Variants in MTMR3 observed in about 807,000 individuals in gnomAD.
MTMR3 encodes the protein phosphatidylinositol-3,5-bisphosphate 3-phosphatase MTMR3.
MTMR3 carries 32 observed loss-of-function variants against 132.4 expected under a neutral mutation model. The observed-to-expected ratio is 0.24, with a 90% confidence interval of 0.18 to 0.32. The LOEUF (loss-of-function observed/expected upper bound fraction) is 0.32, where lower values mean the gene tolerates loss of function less well. Ranked by LOEUF, MTMR3 falls within the 10% of genes least tolerant of loss-of-function variation. The pLI is 1.00. For missense variants in MTMR3, 1,216 were observed against 1,489.6 expected (o/e 0.82, Z 3.02); for synonymous variants, 556 against 550.3 (o/e 1.01, Z -0.14).
At chr22:29,960,150 T>G (rs1223542604) in intron 2 of MTMR3, among the ~76,000 whole-genome samples, 2 of 152,106 alleles carry the variant, frequency 1.3e-5, no homozygotes, top group Non-Finnish European at 1.5e-5. Context: ...AACATACTGT[T>G]TAATTAATAT....
intron 1 of MTMR3, among the ~76,000 whole-genome samples, chr22:29,937,197 A>G (rs1376188314): frequency 6.6e-6 from 1 of 152,058 alleles, no homozygotes; most frequent in Non-Finnish European, 1.5e-5. Context: ...GATGCTTATC[A>G]TTAGGGCTGA....
chr22:30,022,562 T>C, intron 18 of MTMR3, 47 bp from the exon 19 acceptor site: 1 of 1,536,800 alleles, frequency 6.5e-7, no homozygotes, highest in Non-Finnish European at 9.0e-7. Flanking sequence ...TGGCTCCAGC[T>C]GGATGGCCCA....
At chr22:29,949,126 CACACACA>C (rs2066010140) in intron 1 of MTMR3, among the ~76,000 whole-genome samples, 1 of 40,136 alleles carries the variant, frequency 2.5e-5, no homozygotes, top group African/African-American at 1.2e-4. Context: ...CACACACACA[CACACACA>C]CACACACACA....
In MTMR3 at chr22:30,022,242, C is replaced by G. The variant is rs1003530436; in HGVS notation, c.3336+103C>G. ...TACCCCTGGCCAAGGAAGCACCTCCCAGCACAGCTAGCCCTGAGCCTCTGG... is the reference window on the plus strand; with the variant it reads ...TACCCCTGGCCAAGGAAGCACCTCCGAGCACAGCTAGCCCTGAGCCTCTGG... On this transcript the variant is annotated intron_variant, in intron 18 of 19. Transcript: ENST00000401950. 3.4e-6 allele frequency: 3 copies of G among 870,272 alleles called. No individual in the cohort carries two copies. The African/African-American group carries it at 4.9e-5, about 14-fold the overall frequency. The allele number at this position is 870,272 out of a possible 1,614,324, so 53.9% of individuals were successfully genotyped here. A position where few individuals can be genotyped will look rare whatever the true frequency, so the allele number is the denominator to read the frequency against.
intron 3 of MTMR3, among the ~76,000 whole-genome samples, chr22:29,973,432 T>C (rs2066573608): frequency 6.6e-6 from 1 of 152,232 alleles, no homozygotes; most frequent in Non-Finnish European, 1.5e-5. Context: ...TCCCAAGCAT[T>C]TTATCAAGGG....
chr22:29,972,061 T>C (rs1412216056), intron 3 of MTMR3, among the ~76,000 whole-genome samples: 1 of 152,252 alleles, frequency 6.6e-6, no homozygotes, highest in Non-Finnish European at 1.5e-5. Context: ...GTAACTGCCC[T>C]TATCTTAAAG....
chr22:29,971,738 C>G (rs998412293), intron 3 of MTMR3, among the ~76,000 whole-genome samples: 1 of 152,040 alleles, frequency 6.6e-6, no homozygotes, highest in African/African-American at 2.4e-5. Context: ...TAATGACTTA[C>G]GGGCCATTTC....
At chr22:29,923,551 C>G (rs2065461038) in intron 1 of MTMR3, among the ~76,000 whole-genome samples, 1 of 152,102 alleles carries the variant, frequency 6.6e-6, no homozygotes, top group Admixed American at 6.5e-5. Context: ...GCCTTTTGTG[C>G]TTCTTTGGAA....
At chr22:29,951,862 G>C (rs2066087145) in intron 1 of MTMR3, among the ~76,000 whole-genome samples, 1 of 150,014 alleles carries the variant, frequency 6.7e-6, no homozygotes, top group Admixed American at 6.6e-5. Context: ...AAGTGTTGCT[G>C]GTTCAAGTGA....
In MTMR3 at chr22:30,013,662, C is replaced by T. The variant is rs551320310; in HGVS notation, c.1503+121C>T. 6.7e-5 allele frequency: 64 copies of T among 950,586 alleles called. No individual in the cohort carries two copies. In the South Asian group the frequency reaches 1.1e-3, roughly 16 times the overall value. The allele number at this position is 950,586 out of a possible 1,614,324, so 58.9% of individuals were successfully genotyped here. On this transcript the variant is annotated intron_variant, in intron 14 of 19. Transcript: ENST00000401950. ...AGAATTTAATAGAGGTGATTTTTTT[C>T]CTGTTTCTGCTTTTTTTTTTAGTAA...
intron 1 of MTMR3, among the ~76,000 whole-genome samples, chr22:29,906,233 TATCCATCC>T (rs1325524556): frequency 1.0e-3 from 153 of 151,084 alleles, no homozygotes; most frequent in African/African-American, 3.6e-3. Context: ...GTCTCACATT[TATCCATCC>T]ATCCGTCTGT....
intron 1 of MTMR3, among the ~76,000 whole-genome samples, chr22:29,941,004 CT>C (rs2065846812): frequency 6.7e-6 from 1 of 150,080 alleles, no homozygotes; most frequent in Non-Finnish European, 1.5e-5. Context: ...ACTGCAGCCA[CT>C]GCCTCAATCA....
intron 5 of MTMR3, chr22:29,982,937 T>TTTTTTTTTTTTGTGTGTGTG (rs752531735): frequency 1.4e-5 from 2 of 146,280 alleles, no homozygotes; most frequent in African/African-American, 5.1e-5. Flanking sequence ...AAAAGTTTGT[T>TTTTTTTTTTTTGTGTGTGTG]TGTGTGTGTG....
At position 30,026,160 on chromosome 22, in the gene MTMR3, G is replaced by A. The variant is rs1421877089; in HGVS notation, c.*359G>A. 4.2e-6 allele frequency: 1 copy of A among 240,182 alleles called. No individual in the cohort carries two copies. Among genetic ancestry groups the A allele is most frequent in the East Asian group, 9.1e-5 (1 of 10,986 alleles). 14.9% of individuals were successfully genotyped at this position (240,182 alleles called of 1,614,324 possible). ...GCTTGTTTCTTCCGGGTGGGAGGAT[G>A]GTGGTCAGAGCCAGGAGTATGGAGA... On this transcript the variant is annotated 3_prime_UTR_variant, in exon 20 of 20. Transcript: ENST00000401950.
At chr22:29,906,610 A>G (rs1450869651) in intron 1 of MTMR3, among the ~76,000 whole-genome samples, 2 of 151,776 alleles carry the variant, frequency 1.3e-5, no homozygotes, top group South Asian at 2.1e-4. Context: ...TGCTGGGATT[A>G]TAGGGATGAA....
At chr22:29,945,765 C>T (rs2065941436) in intron 1 of MTMR3, among the ~76,000 whole-genome samples, 3 of 150,466 alleles carry the variant, frequency 2.0e-5, no homozygotes, top group Non-Finnish European at 3.0e-5. Context: ...GACACATGGG[C>T]CTTGTCCAGA....
At chr22:29,948,826 C>G (rs987112358) in intron 1 of MTMR3, among the ~76,000 whole-genome samples, 2 of 150,530 alleles carry the variant, frequency 1.3e-5, no homozygotes, top group Admixed American at 1.3e-4. Context: ...AAAACCCAGC[C>G]AGGTGCTATG....
rs1309189068 is a variant in MTMR3, at chr22:29,991,660, G to A, written c.450G>A (p.Leu150=). 1.2e-6 allele frequency: 2 copies of A among 1,607,498 alleles called. No homozygotes were observed. Among genetic ancestry groups the A allele is most frequent in the East Asian group, 2.2e-5 (1 of 44,678 alleles). The part of the protein sequence containing the change: ...YASEKEQHGD[L]CRPGEHVTSR... ...GTGAAAAAGAGCAACATGGAGACCT[G>A]TGCAGACCAGGTACGCCTTTCTGAA... The change falls in exon 7 of 20, where the codon CTG becomes CTA. Residue 150 remains leucine, a synonymous_variant. Coordinates refer to ENST00000401950, the MANE Select transcript of MTMR3 (RefSeq NM_021090.4).
At chr22:29,972,239 T>C (rs1403683428) in intron 3 of MTMR3, among the ~76,000 whole-genome samples, 1 of 152,230 alleles carries the variant, frequency 6.6e-6, no homozygotes, top group East Asian at 1.9e-4. Context: ...TTTCAGCCAG[T>C]GCTAATGAAT....
Sources: allele counts gnomAD v4.1 joint callset (sites outside exome capture counted in the v4.1 genomes callset), GRCh38; gene constraint gnomAD v4.1.1; transcripts MANE v1.5; gene names NCBI Gene and HGNC (gene_info 2026-07-23, HGNC 2026-07-21).